CASZ1: variants seen among roughly 807,000 people sequenced by gnomAD.
CASZ1 encodes the protein zinc finger protein castor homolog 1.
Under a neutral mutation model 135.2 loss-of-function variants are expected in CASZ1, and 28 were observed. The ratio of observed to expected loss-of-function variants is 0.21; its 90% CI spans 0.15 to 0.28. CASZ1 has a LOEUF of 0.28. Ranked by LOEUF, CASZ1 falls within the 10% of genes least tolerant of loss-of-function variation. CASZ1 has a pLI of 1.00. For synonymous variants in CASZ1, 1,068 were observed against 1,073.4 expected (o/e 0.99, Z 0.10); for missense variants, 2,161 against 2,453.3 (o/e 0.88, Z 2.52).
rs905202971 is a variant in CASZ1, at chr1:10,720,550, T to A, written c.-76-15006A>T. On this transcript the variant is annotated intron_variant, in intron 2 of 20. Coordinates refer to ENST00000377022, the MANE Select transcript of CASZ1 (RefSeq NM_001079843.3). This position sits in a 1 kb window ranked among gnomAD's most constrained non-coding sequence, Gnocchi z 5.7. ...AGGCTGGAGGGGAAGGTGGGAAGAC[T>A]TGGGCAGTCCCATTTGCCTATCAAA... 6.6e-6 allele frequency among the ~76,000 whole-genome samples: 1 copy of A among 152,286 alleles called. No individual in the cohort carries two copies. The highest frequency in any genetic ancestry group is 2.4e-5 in the African/African-American group (1 of 41,562).
At chr1:10,714,806 G>A (rs943434975) in intron 2 of CASZ1, among the ~76,000 whole-genome samples, 2 of 152,230 alleles carry the variant, frequency 1.3e-5, no homozygotes, top group East Asian at 1.9e-4. Flanking sequence ...TCCAGGCCTC[G>A]GCCTTTCTGC....
chr1:10,668,833 A>G (rs1052655935), intron 4 of CASZ1, among the ~76,000 whole-genome samples: 1 of 152,236 alleles, frequency 6.6e-6, no homozygotes, highest in African/African-American at 2.4e-5. Flanking sequence ...AACCTGGGAA[A>G]AAGCAGCTGA....
chr1:10,770,130 G>A (rs1640549134), intron 1 of CASZ1, among the ~76,000 whole-genome samples: 1 of 151,840 alleles, frequency 6.6e-6, no homozygotes, highest in East Asian at 1.9e-4. Flanking sequence ...TGTCACTCAG[G>A]CTGGAGTGCA....
In CASZ1 at chr1:10,697,839, T is replaced by TGCCTGCGAACAAGCATGTTCGC. The variant is rs1441135218; in HGVS notation, c.-23-3949_-23-3928dup. On this transcript the variant is annotated intron_variant, in intron 3 of 20. Coordinates refer to ENST00000377022, the MANE Select transcript of CASZ1 (RefSeq NM_001079843.3). This position sits in a 1 kb window ranked among gnomAD's most constrained non-coding sequence, Gnocchi z 4.7. Reference sequence around the variant, plus strand: ...GAAGCCTTGGCCAAAGGACTGCGTGTGCCTGCGAACAAGCATGTTCGCACC... The same window carrying TGCCTGCGAACAAGCATGTTCGC: ...GAAGCCTTGGCCAAAGGACTGCGTGTGCCTGCGAACAAGCATGTTCGCGCCTGCGAACAAGCATGTTCGCACC... Among the ~76,000 whole-genome samples, 5 of 152,268 alleles carry TGCCTGCGAACAAGCATGTTCGC rather than the reference T, an allele frequency of 3.3e-5. No individual in the cohort carries two copies. Among genetic ancestry groups the TGCCTGCGAACAAGCATGTTCGC allele is most frequent in the Non-Finnish European group, 7.3e-5 (5 of 68,048 alleles).
At chr1:10,677,012 C>T (rs1160683417) in intron 4 of CASZ1, among the ~76,000 whole-genome samples, 4 of 152,220 alleles carry the variant, frequency 2.6e-5, no homozygotes, top group Admixed American at 6.5e-5. Context: ...GGCTCTGGCA[C>T]GTAGGACGTG....
chr1:10,779,279 A>ATTTTTTTTTTTTTTTTTTTTTTTTTT (rs386366223), intron 1 of CASZ1, among the ~76,000 whole-genome samples: 1 of 125,256 alleles, frequency 8.0e-6, no homozygotes, highest in African/African-American at 3.1e-5. Flanking sequence ...TAATTTTATA[A>ATTTTTTTTTTTTTTTTTTTTTTTTTT]TTTTTTTTTT....
chr1:10,649,298 T>C lies in CASZ1; in HGVS notation c.3020A>G (p.Lys1007Arg), dbSNP rs1244372353. 6.3e-7 allele frequency: 1 copy of C among 1,598,356 alleles called. No individual in the cohort carries two copies. Among genetic ancestry groups the C allele is most frequent in the Non-Finnish European group, 8.5e-7 (1 of 1,172,602 alleles). ...LVQEKLAEPW[K>R]VYLRRFGTKD... ...AGCCCCTCACCTGCGCAGGTACACC[T>C]TCCAGGGCTCTGCCAACTTCTCCTG... The change falls in exon 14 of 21, where the codon AAG becomes AGG. Residue 1007 changes from lysine to arginine, a missense_variant. This residue lies in a region of CASZ1 where 406 missense variants were observed against 387.6 expected (regional missense o/e 1.05). Transcript: ENST00000377022.
At chr1:10,674,019 A>G (rs536392623) in intron 4 of CASZ1, among the ~76,000 whole-genome samples, 1 of 152,344 alleles carries the variant, frequency 6.6e-6, no homozygotes, top group African/African-American at 2.4e-5. Context: ...AGCTATGCAG[A>G]CGGACAGACT....
chr1:10,737,153 G>A (rs1347803990), intron 2 of CASZ1, among the ~76,000 whole-genome samples: 1 of 152,216 alleles, frequency 6.6e-6, no homozygotes, highest in African/African-American at 2.4e-5. Context: ...TAGCCACTGG[G>A]CGATCAATGA....
intron 4 of CASZ1, among the ~76,000 whole-genome samples, chr1:10,672,118 C>G (rs898342880): frequency 6.6e-6 from 1 of 152,008 alleles, no homozygotes; most frequent in African/African-American, 2.4e-5. Flanking sequence ...GCCTCCCCGG[C>G]TCACCCGCCC....
Position 10,755,192 on chromosome 1 carries a change from C to T in CASZ1, c.-77+5509G>A, listed in dbSNP as rs908407453. On this transcript the variant is annotated intron_variant, in intron 2 of 20. Coordinates refer to ENST00000377022, the MANE Select transcript of CASZ1 (RefSeq NM_001079843.3). The surrounding 1 kb of genome is among the most constrained non-coding windows in gnomAD (Gnocchi z 4.3). Reference sequence around the variant, plus strand: ...GCAGCAAGGGGATCACTGGCCGCCTCATGCCTCAGGGTGGTGGCTCTGGGC... The same window carrying T: ...GCAGCAAGGGGATCACTGGCCGCCTTATGCCTCAGGGTGGTGGCTCTGGGC... Among the ~76,000 whole-genome samples, 10 of 152,242 alleles carry T rather than the reference C, an allele frequency of 6.6e-5. No individual in the cohort carries two copies. The highest frequency in any genetic ancestry group is 1.2e-4 in the African/African-American group (5 of 41,466).
rs1191318278 is a variant in CASZ1 at position 10,679,299 on chromosome 1, G to C, written c.17-13728C>G. On this transcript the variant is annotated intron_variant, in intron 4 of 20. Coordinates refer to ENST00000377022, the MANE Select transcript of CASZ1 (RefSeq NM_001079843.3). The surrounding 1 kb of genome is among the most constrained non-coding windows in gnomAD (Gnocchi z 4.7). ...CAAACCTGAGGCAGACAGGTCTCCTGGGCCATCTGCACCACATGCCCCAGG... is the reference window on the plus strand; with the variant it reads ...CAAACCTGAGGCAGACAGGTCTCCTCGGCCATCTGCACCACATGCCCCAGG... 1.3e-5 allele frequency among the ~76,000 whole-genome samples: 2 copies of C among 152,182 alleles called. No homozygotes were observed. The highest frequency in any genetic ancestry group is 4.8e-5 in the African/African-American group (2 of 41,434).
rs566344901 is a variant in CASZ1, at chr1:10,752,697, G to A, written c.-77+8004C>T. On this transcript the variant is annotated intron_variant, in intron 2 of 20. Coordinates refer to ENST00000377022, the MANE Select transcript of CASZ1 (RefSeq NM_001079843.3). ...TTGCCAGCCCTCCCTGCTTAGGGCTGCCAGAGAAAATACAGTATGCCCAGT... is the reference window on the plus strand; with the variant it reads ...TTGCCAGCCCTCCCTGCTTAGGGCTACCAGAGAAAATACAGTATGCCCAGT... 2.0e-5 allele frequency among the ~76,000 whole-genome samples: 3 copies of A among 152,346 alleles called. No homozygotes were observed. In the South Asian group the frequency reaches 6.2e-4, roughly 32 times the overall value.
In CASZ1 at chr1:10,665,558, C is replaced by G. The variant is rs768138608; in HGVS notation, c.30G>C (p.Arg10=). 2 of 1,563,636 alleles carry G rather than the reference C, an allele frequency of 1.3e-6. No homozygotes were observed. The highest frequency in any genetic ancestry group is 1.7e-6 in the Non-Finnish European group (2 of 1,160,604). Residue 10 remains arginine (R), a synonymous_variant, in exon 5 of 21, where the codon CGG becomes CGC. Transcript: ENST00000377022. The part of the protein sequence containing the change: MDLGTAEGT[R]CTDPPAGKPA... Reference sequence around the variant, plus strand: ...GCTTGCCTGCAGGCGGGTCCGTGCACCGGGTGCCCTCAGCTGCAGGGATGG... The same window carrying G: ...GCTTGCCTGCAGGCGGGTCCGTGCAGCGGGTGCCCTCAGCTGCAGGGATGG...
chr1:10,700,598 C>G lies in CASZ1; in HGVS notation c.-24+4894G>C, dbSNP rs1286072689. Among the ~76,000 whole-genome samples, 1 of 152,162 alleles carries G rather than the reference C, an allele frequency of 6.6e-6. No homozygotes were observed. The highest frequency in any genetic ancestry group is 2.4e-5 in the African/African-American group (1 of 41,430). On this transcript the variant is annotated intron_variant, in intron 3 of 20. Transcript: ENST00000377022. This position sits in a 1 kb window ranked among gnomAD's most constrained non-coding sequence, Gnocchi z 4.2. ...GGTTAGCCAGGACATCAAGCAATCC[C>G]TCATGGAGCACCAGCTCTGGAGTCT... is the stretch of plus-strand genomic sequence containing the variant.
At position 10,709,685 on chromosome 1, in the gene CASZ1, G is replaced by A. The variant is rs1369993567; in HGVS notation, c.-76-4141C>T. Among the ~76,000 whole-genome samples, 2 of 152,132 alleles carry A rather than the reference G, an allele frequency of 1.3e-5. No homozygotes were observed. Among genetic ancestry groups the A allele is most frequent in the Non-Finnish European group, 2.9e-5 (2 of 68,024 alleles). On this transcript the variant is annotated intron_variant, in intron 2 of 20. Coordinates refer to ENST00000377022, the MANE Select transcript of CASZ1 (RefSeq NM_001079843.3). The surrounding 1 kb of genome is among the most constrained non-coding windows in gnomAD (Gnocchi z 5.1). ...AAGAAAGCGAATCAAAGTGCTGCCC[G>A]GAGGACGGCTGGGGAGAGAAAGGCC...
At chr1:10,670,773 C>T (rs890390784) in intron 4 of CASZ1, among the ~76,000 whole-genome samples, 2 of 152,234 alleles carry the variant, frequency 1.3e-5, no homozygotes, top group Admixed American at 6.5e-5. Flanking sequence ...CCTCCTCCCT[C>T]CTCTACCTCA....
At position 10,659,450 on chromosome 1, in the gene CASZ1, C is replaced by CG. The variant is rs372189963; in HGVS notation, c.1340+251dup. Among the ~76,000 whole-genome samples the CG allele has an allele frequency of 1.4e-3, 220 of 152,072 alleles. 1 individual carries two copies. Among genetic ancestry groups the CG allele is most frequent in the African/African-American group, 5.0e-3 (208 of 41,486 alleles). On this transcript the variant is annotated intron_variant, in intron 6 of 20. Transcript: ENST00000377022. ...CGAGGTGCACGCGCAGGTCCAGGAG[C>CG]GGGGGGGCGCTGCAGGAGGGCTCAC...
chr1:10,748,959 T>C (rs956694101), intron 2 of CASZ1, among the ~76,000 whole-genome samples: 6 of 152,146 alleles, frequency 3.9e-5, no homozygotes, highest in Admixed American at 1.3e-4. Context: ...CCCAACTCGC[T>C]TCTGTCTTTG....
Sources: gnomAD v4.1 joint callset for allele counts (sites outside exome capture counted in the v4.1 genomes callset) on GRCh38, gnomAD v4.1.1 for gene constraint, gnomAD v4.1.1 regional missense constraint, Gnocchi (gnomAD v3.1) non-coding constraint, MANE v1.5 for transcripts, NCBI Gene and HGNC (gene_info 2026-07-23, HGNC 2026-07-21) for gene names.